NXPE2: variants seen among roughly 807,000 people sequenced by gnomAD.
NXPE2 encodes NXPE family member 2.
A neutral mutation model predicts 34.4 loss-of-function variants in NXPE2; 34 were observed. The ratio of observed to expected loss-of-function variants is 0.99; its 90% CI spans 0.75 to 1.31. NXPE2 has a LOEUF of 1.31. Ranked by LOEUF, NXPE2 falls within the 40% of genes most tolerant of loss-of-function variation. NXPE2 has a pLI of 0.00. For synonymous variants in NXPE2, 235 were observed against 231.3 expected (o/e 1.02, Z -0.15); for missense variants, 649 against 672.5 (o/e 0.97, Z 0.39).
the NXPE2 span, chr11:114,530,078 G>T: frequency 1.6e-6 from 2 of 1,246,548 alleles, no homozygotes; most frequent in South Asian, 1.5e-5. Flanking sequence ...AGTACAGGAG[G>T]CCTCTGAGTC....
At chr11:114,610,571 C>A in the NXPE2 span, among the ~76,000 whole-genome samples, 1 of 106,572 alleles carries the variant, frequency 9.4e-6, no homozygotes, top group Admixed American at 9.7e-5. Flanking sequence ...CCACTGTTAC[C>A]CGGTGGATAA....
chr11:114,575,438 A>C, the NXPE2 span, among the ~76,000 whole-genome samples: 1 of 152,106 alleles, frequency 6.6e-6, no homozygotes, highest in Non-Finnish European at 1.5e-5. Context: ...ATACCTAGAA[A>C]ACCCTAAAGA....
the NXPE2 span, among the ~76,000 whole-genome samples, chr11:114,509,547 T>G: frequency 6.6e-6 from 1 of 152,116 alleles, no homozygotes; most frequent in South Asian, 2.1e-4. Flanking sequence ...ATAGACTGGC[T>G]AAATAAAATG....
the NXPE2 span, among the ~76,000 whole-genome samples, chr11:114,666,240 CT>C: frequency 6.6e-6 from 1 of 152,088 alleles, no homozygotes; most frequent in Non-Finnish European, 1.5e-5. Flanking sequence ...ATTCATTCCT[CT>C]TTAAACCATT....
the NXPE2 span, among the ~76,000 whole-genome samples, chr11:114,752,713 A>C: frequency 2.5e-3 from 385 of 152,316 alleles, no homozygotes; most frequent in African/African-American, 8.9e-3. Context: ...GCCATTGACC[A>C]AGACAGGAAC....
chr11:114,624,429 A>G, the NXPE2 span, among the ~76,000 whole-genome samples: 4 of 152,136 alleles, frequency 2.6e-5, no homozygotes, highest in Non-Finnish European at 4.4e-5. Flanking sequence ...CCCACTGGAT[A>G]ATAATTATTG....
At chr11:114,686,069 G>A (rs538825973) in intron 2 of NXPE2, among the ~76,000 whole-genome samples, 42 of 152,088 alleles carry the variant, frequency 2.8e-4, no homozygotes, top group African/African-American at 8.2e-4. Flanking sequence ...AAAAAACTCC[G>A]TAAAGGGTAC....
the NXPE2 span, among the ~76,000 whole-genome samples, chr11:114,508,202 T>C: frequency 6.6e-6 from 1 of 152,080 alleles, no homozygotes; most frequent in Non-Finnish European, 1.5e-5. Context: ...GTGAAAGATC[T>C]CTATAAGGAG....
the NXPE2 span, among the ~76,000 whole-genome samples, chr11:114,484,940 AT>A: frequency 6.6e-6 from 1 of 152,192 alleles, no homozygotes; most frequent in African/African-American, 2.4e-5. Context: ...GAGCAAGTCA[AT>A]TTATCACTTT....
At chr11:114,811,342 AAAAT>A in the NXPE2 span, among the ~76,000 whole-genome samples, 12 of 42,704 alleles carry the variant, frequency 2.8e-4, no homozygotes, top group Non-Finnish European at 5.2e-4. Context: ...TAATAATAAT[AAAAT>A]AAAAAAAATG....
the NXPE2 span, among the ~76,000 whole-genome samples, chr11:114,549,269 T>TA: frequency 2.6e-5 from 4 of 152,020 alleles, no homozygotes; most frequent in Non-Finnish European, 5.9e-5. Flanking sequence ...AATCAATTCT[T>TA]ACGAAATAAG....
the NXPE2 span, among the ~76,000 whole-genome samples, chr11:114,538,799 G>A: frequency 1.3e-5 from 2 of 152,120 alleles, no homozygotes; most frequent in African/African-American, 4.8e-5. Flanking sequence ...TGCTGGAGAG[G>A]ATGTGGAGAA....
At chr11:114,477,931 C>T in the NXPE2 span, among the ~76,000 whole-genome samples, 6 of 152,112 alleles carry the variant, frequency 3.9e-5, no homozygotes, top group Admixed American at 2.6e-4. Flanking sequence ...CTTTGGTGAT[C>T]GGAGTGATCT....
the NXPE2 span, chr11:114,582,529 G>C: frequency 6.2e-7 from 1 of 1,614,118 alleles, no homozygotes; most frequent in Admixed American, 1.7e-5. Flanking sequence ...TCATAGCCTT[G>C]GTTCCTTGCA....
At chr11:114,490,139 C>A in the NXPE2 span, among the ~76,000 whole-genome samples, 3 of 152,110 alleles carry the variant, frequency 2.0e-5, no homozygotes, top group Non-Finnish European at 4.4e-5. Flanking sequence ...CCTAGGAATC[C>A]AACTTACAAG....
chr11:114,719,864 C>A, the NXPE2 span, among the ~76,000 whole-genome samples: 1 of 152,162 alleles, frequency 6.6e-6, no homozygotes, highest in Non-Finnish European at 1.5e-5. Context: ...CTCCATCAGT[C>A]TTTCTTAGAC....
At chr11:114,742,239 A>C in the NXPE2 span, among the ~76,000 whole-genome samples, 1 of 152,164 alleles carries the variant, frequency 6.6e-6, no homozygotes, top group Non-Finnish European at 1.5e-5. Flanking sequence ...GGAGGGACTC[A>C]GTGCATTTGG....
At chr11:114,736,540 C>G in the NXPE2 span, among the ~76,000 whole-genome samples, 4 of 151,990 alleles carry the variant, frequency 2.6e-5, no homozygotes, top group African/African-American at 7.3e-5. Flanking sequence ...TTGCTGTTAT[C>G]CTGTTCTTTT....
At chr11:114,469,638 C>T in the NXPE2 span, among the ~76,000 whole-genome samples, 1 of 151,512 alleles carries the variant, frequency 6.6e-6, no homozygotes, top group Middle Eastern at 3.5e-3. Flanking sequence ...TACATGCACC[C>T]CCCCCACCAC....
Sources: gnomAD v4.1 joint callset for allele counts (sites outside exome capture counted in the v4.1 genomes callset) on GRCh38, gnomAD v4.1.1 for gene constraint, MANE v1.5 for transcripts, NCBI Gene and HGNC (gene_info 2026-07-23, HGNC 2026-07-21) for gene names.